PARD3: variants seen among roughly 807,000 people sequenced by gnomAD.
PARD3 encodes par-3 family cell polarity regulator, also known as partitioning defective 3 homolog.
Under a neutral mutation model 155.4 loss-of-function variants are expected in PARD3, and 75 were observed. The observed-to-expected ratio is 0.48, with a 90% CI of 0.40 to 0.58. The LOEUF (loss-of-function observed/expected upper bound fraction) is 0.58. PARD3 is among the 20% of genes least tolerant of loss of function. The pLI is 0.00. For synonymous variants in PARD3, 576 were observed against 610.5 expected, an observed-to-expected ratio of 0.94 and a Z score of 0.83; for missense variants, 1,642 against 1,721.7, an observed-to-expected ratio of 0.95 and a Z score of 0.82.
intron 1 of PARD3, among the ~76,000 whole-genome samples, chr10:34,735,473 T>C (rs2094896784): frequency 6.6e-6 from 1 of 152,186 alleles, no homozygotes; most frequent in African/African-American, 2.4e-5. Context: ...CCAATACAAC[T>C]AACCACATTC....
At chr10:34,543,103 T>C (rs1447166526) in intron 2 of PARD3, among the ~76,000 whole-genome samples, 2 of 151,706 alleles carry the variant, frequency 1.3e-5, no homozygotes, top group African/African-American at 4.8e-5. Flanking sequence ...TTAAAGGCTT[T>C]TTTTTTTCCA....
At chr10:34,352,475 G>A (rs373245155) in intron 14 of PARD3, among the ~76,000 whole-genome samples, 8 of 152,320 alleles carry the variant, frequency 5.3e-5, no homozygotes, top group African/African-American at 1.9e-4. Context: ...CCTGCAGAGT[G>A]CCTGGGATTG....
rs2076221469 is a variant in PARD3, at chr10:34,436,979, T to C, written c.714+13338A>G. ...GGGAGGAGAGCTAGCTAATAGAGAG[T>C]TGGGGGAGGGAGACTACTATTTTGC... On this transcript the variant is annotated intron_variant, in intron 5 of 24. Transcript: ENST00000374788. 2.0e-5 allele frequency among the ~76,000 whole-genome samples: 3 copies of C among 152,008 alleles called. No homozygotes were observed. The South Asian group carries it at 6.2e-4, about 32-fold the overall frequency.
intron 1 of PARD3, among the ~76,000 whole-genome samples, chr10:34,725,505 C>T (rs940872277): frequency 6.6e-6 from 1 of 152,086 alleles, no homozygotes; most frequent in East Asian, 1.9e-4. Context: ...TCAGTCACTG[C>T]TAAGTATTCG....
chr10:34,539,856 G>C (rs910933002), intron 2 of PARD3, among the ~76,000 whole-genome samples: 1 of 152,198 alleles, frequency 6.6e-6, no homozygotes, highest in African/African-American at 2.4e-5. Flanking sequence ...GTACACCAAA[G>C]AAATTGGCAA....
At chr10:34,358,549 C>G (rs781747529) in intron 14 of PARD3, among the ~76,000 whole-genome samples, 17 of 152,126 alleles carry the variant, frequency 1.1e-4, no homozygotes, top group Non-Finnish European at 2.1e-4. Context: ...GACTGTGGGC[C>G]AGGTGCTATG....
chr10:34,749,964 A>G (rs1835778721), intron 1 of PARD3, among the ~76,000 whole-genome samples: 1 of 151,824 alleles, frequency 6.6e-6, no homozygotes, highest in Admixed American at 6.6e-5. Context: ...GAAGGCTGCA[A>G]TGAGCCAAGA....
At chr10:34,723,540 A>T (rs920283915) in intron 1 of PARD3, among the ~76,000 whole-genome samples, 1 of 152,156 alleles carries the variant, frequency 6.6e-6, no homozygotes. Flanking sequence ...TAAGATCATA[A>T]ACTTCTTTGA....
intron 1 of PARD3, among the ~76,000 whole-genome samples, chr10:34,744,931 A>T (rs1296040259): frequency 6.6e-6 from 1 of 152,238 alleles, no homozygotes; most frequent in Non-Finnish European, 1.5e-5. Flanking sequence ...GTGCACACCC[A>T]GGAGCTCGGG....
chr10:34,131,421 A>G lies in PARD3; in HGVS notation c.3540+42T>C, dbSNP rs747707929. On this transcript the variant is annotated intron_variant, in intron 23 of 24. Transcript: ENST00000374788. ...AGCTTAGTGGCCTTTGCTGCAGGGAAGTTGTAGGACCATTCACCGTGCTGA... is the reference window on the plus strand; with the variant it reads ...AGCTTAGTGGCCTTTGCTGCAGGGAGGTTGTAGGACCATTCACCGTGCTGA... 1.2e-5 allele frequency: 19 copies of G among 1,611,548 alleles called. No individual in the cohort carries two copies. In the Admixed American group the frequency reaches 2.7e-4, roughly 23 times the overall value.
chr10:34,356,353 G>A (rs949869204), intron 14 of PARD3, among the ~76,000 whole-genome samples: 1 of 152,148 alleles, frequency 6.6e-6, no homozygotes, highest in Non-Finnish European at 1.5e-5. Flanking sequence ...GGACAACATA[G>A]CAAGACCGTG....
At chr10:34,300,124 T>A (rs189994162) in intron 20 of PARD3, among the ~76,000 whole-genome samples, 2 of 152,284 alleles carry the variant, frequency 1.3e-5, no homozygotes, top group East Asian at 3.9e-4. Flanking sequence ...GGACTTTATG[T>A]CTCTTTGGAT....
At chr10:34,293,268 G>C (rs1257585390) in intron 20 of PARD3, among the ~76,000 whole-genome samples, 31 of 152,152 alleles carry the variant, frequency 2.0e-4, no homozygotes, top group Admixed American at 2.0e-3. Flanking sequence ...TCAACTAGCT[G>C]ATAGACAAGA....
At chr10:34,348,540 T>C (rs756249203) in intron 14 of PARD3, among the ~76,000 whole-genome samples, 24 of 152,342 alleles carry the variant, frequency 1.6e-4, no homozygotes, top group Middle Eastern at 3.4e-3. Context: ...CTTAAACTTA[T>C]GGTATGTAAA....
intron 2 of PARD3, among the ~76,000 whole-genome samples, chr10:34,550,068 AG>A (rs2084412741): frequency 6.6e-6 from 1 of 152,160 alleles, no homozygotes; most frequent in Non-Finnish European, 1.5e-5. Flanking sequence ...AAAATCTCAC[AG>A]GCTCCATGAG....
chr10:34,401,099 A>G lies in PARD3; in HGVS notation c.806+727T>C, dbSNP rs375119392. Among the ~76,000 whole-genome samples the G allele has an allele frequency of 1.6e-3, 247 of 152,322 alleles. 2 individuals carry two copies. Among genetic ancestry groups the G allele is most frequent in the African/African-American group, 5.7e-3 (237 of 41,578 alleles). On this transcript the variant is annotated intron_variant, in intron 6 of 24. Coordinates refer to ENST00000374788, the MANE Select transcript of PARD3 (RefSeq NM_001184785.2). ...ACCAAGAAAAGACAGAATTAAGTAC[A>G]TAAATGTCAATGTCTATATCCCCAA...
chr10:34,528,542 T>C (rs968828227), intron 2 of PARD3, among the ~76,000 whole-genome samples: 26 of 152,214 alleles, frequency 1.7e-4, no homozygotes, highest in African/African-American at 6.3e-4. Flanking sequence ...TGTTTTGTTT[T>C]GTTTTGTTTT....
At chr10:34,488,939 C>T in intron 3 of PARD3, 1 of 152,842 alleles carries the variant, frequency 6.5e-6, no homozygotes, top group Non-Finnish European at 1.5e-5. Flanking sequence ...TGCCGGGTTC[C>T]CAGCAGCCAG....
chr10:34,792,992 G>A (rs933175960), intron 1 of PARD3, among the ~76,000 whole-genome samples: 3 of 152,316 alleles, frequency 2.0e-5, no homozygotes, highest in Admixed American at 6.5e-5. Context: ...CCTGGGTTGT[G>A]GGTGGAGAAT....
Sources: allele counts gnomAD v4.1 joint callset (sites outside exome capture counted in the v4.1 genomes callset), GRCh38; gene constraint gnomAD v4.1.1; transcripts MANE v1.5; gene names NCBI Gene and HGNC (gene_info 2026-07-23, HGNC 2026-07-21).